The following OSBPL10 variants were observed in gnomAD, a reference collection of about 807,000 sequenced individuals.
The protein encoded by OSBPL10 is oxysterol binding protein like 10.
A neutral mutation model predicts 81.7 loss-of-function variants in OSBPL10; 49 were observed. That is an observed-to-expected ratio of 0.60 (90% CI 0.48 to 0.76). OSBPL10 has a LOEUF of 0.76. Among genes scored for constraint, OSBPL10 ranks in the 30% least tolerant of loss-of-function variants. The pLI is 0.00. For synonymous variants in OSBPL10, 419 were observed against 383.6 expected, an observed-to-expected ratio of 1.09 and a Z score of -1.08; for missense variants, 923 against 987.8, an observed-to-expected ratio of 0.93 and a Z score of 0.88.
At position 31,684,033 on chromosome 3, in the gene OSBPL10, G is replaced by T; in HGVS notation, c.1327C>A (p.Leu443Met). The change falls in exon 8 of 12, where the codon CTG (leucine) becomes ATG (methionine). Residue 443 changes from leucine (L) to methionine (M), a missense_variant. This residue lies in a region of OSBPL10 where 387 missense variants were observed against 436.3 expected (regional missense o/e 0.89). Coordinates refer to ENST00000396556, the MANE Select transcript of OSBPL10 (RefSeq NM_017784.5). ...GGTGTGGCCCCAGCGGTGATGGCCAGCAGTAGGTCTGGGTGCGCCATGAAA... is the reference window on the plus strand; with the variant it reads ...GGTGTGGCCCCAGCGGTGATGGCCATCAGTAGGTCTGGGTGCGCCATGAAA... ...ADFMAHPDLL[L>M]AITAGATPEE... The T allele has an allele frequency of 6.2e-7, 1 of 1,614,236 alleles. No homozygotes were observed. The highest frequency in any genetic ancestry group is 1.3e-5 in the African/African-American group (1 of 75,056).
intron 3 of OSBPL10, 55 bp from the exon 4 acceptor site, chr3:31,830,286 A>C: frequency 6.6e-7 from 1 of 1,507,144 alleles, no homozygotes; most frequent in Non-Finnish European, 9.0e-7. Flanking sequence ...AACACAACTA[A>C]GTGTTGGCTT....
chr3:31,853,284 T>C (rs1221337732), intron 3 of OSBPL10, among the ~76,000 whole-genome samples: 1 of 152,136 alleles, frequency 6.6e-6, no homozygotes, highest in Non-Finnish European at 1.5e-5. Context: ...TAACAAAACA[T>C]GGAGTTCCAC....
rs1174053561 is a variant in OSBPL10 at position 31,781,938 on chromosome 3, CACA to C, written c.730-33821_730-33819del. Among the ~76,000 whole-genome samples, 6 of 152,172 alleles carry C rather than the reference CACA, an allele frequency of 3.9e-5. No homozygotes were observed. In the South Asian group the frequency reaches 6.2e-4, roughly 16 times the overall value. On this transcript the variant is annotated intron_variant, in intron 4 of 11. Transcript: ENST00000396556. ...ATCAAAATACCATCATAATTCTTCACACAACTAGAAAAAAATCCTAAAATTCAT... is the reference window on the plus strand; with the variant it reads ...ATCAAAATACCATCATAATTCTTCACACTAGAAAAAAATCCTAAAATTCAT...
At chr3:31,776,690 TAA>T (rs1390068798) in intron 4 of OSBPL10, among the ~76,000 whole-genome samples, 1 of 152,048 alleles carries the variant, frequency 6.6e-6, no homozygotes, top group African/African-American at 2.4e-5. Flanking sequence ...AAAGGAGACA[TAA>T]AAAGTCATAA....
chr3:32,030,430 CAAGTT>C (rs1318671768), intron 2 of OSBPL10: 10 of 671,140 alleles, frequency 1.5e-5, no homozygotes, highest in South Asian at 2.8e-5. Context: ...GGTAAAGAAA[CAAGTT>C]AAGGGCAAGA....
At chr3:32,019,046 C>T (rs767417809) in intron 2 of OSBPL10, among the ~76,000 whole-genome samples, 12 of 152,168 alleles carry the variant, frequency 7.9e-5, no homozygotes, top group Non-Finnish European at 1.8e-4. Context: ...TCTGAAATTG[C>T]AATCTCCACC....
intron 3 of OSBPL10, among the ~76,000 whole-genome samples, chr3:31,854,427 G>A (rs973161078): frequency 6.6e-6 from 1 of 152,062 alleles, no homozygotes; most frequent in Non-Finnish European, 1.5e-5. Context: ...TCTCAGCTAA[G>A]ACAATAGCAA....
At chr3:31,975,078 G>A (rs1416612647) in intron 1 of OSBPL10, among the ~76,000 whole-genome samples, 1 of 152,198 alleles carries the variant, frequency 6.6e-6, no homozygotes, top group Admixed American at 6.5e-5. Context: ...CACTTTCAAA[G>A]GAGGGGGAGG....
chr3:31,701,520 C>T (rs547181717), intron 7 of OSBPL10, among the ~76,000 whole-genome samples: 2 of 152,220 alleles, frequency 1.3e-5, no homozygotes, highest in East Asian at 1.9e-4. Context: ...ACGCCTCATG[C>T]GATTCTCACA....
intron 1 of OSBPL10, among the ~76,000 whole-genome samples, chr3:31,885,207 CCACA>C (rs1188813494): frequency 1.3e-4 from 20 of 152,196 alleles, no homozygotes; most frequent in Middle Eastern, 3.4e-3. Context: ...ACACTGATGC[CCACA>C]AACATACATG....
intron 4 of OSBPL10, among the ~76,000 whole-genome samples, chr3:31,774,691 T>G (rs1698498751): frequency 6.6e-6 from 1 of 151,520 alleles, no homozygotes; most frequent in African/African-American, 2.4e-5. Context: ...TTTTGTATTT[T>G]TAGTAGAGAC....
chr3:31,793,572 C>T (rs968032210), intron 4 of OSBPL10, among the ~76,000 whole-genome samples: 1 of 152,170 alleles, frequency 6.6e-6, no homozygotes, highest in African/African-American at 2.4e-5. Flanking sequence ...TACACATTCA[C>T]CTTCTTGAAA....
At position 31,816,167 on chromosome 3, in the gene OSBPL10, T is replaced by C. The variant is rs1368875704; in HGVS notation, c.729+13873A>G. On this transcript the variant is annotated intron_variant, in intron 4 of 11. Coordinates refer to ENST00000396556, the MANE Select transcript of OSBPL10 (RefSeq NM_017784.5). The stretch of plus-strand genomic sequence containing the variant: ...CTCTTCCAGGGGTCCCAGTGACTTG[T>C]GGAGCCCAGAGCGGGTAGGTCTACG... Among the ~76,000 whole-genome samples the C allele has an allele frequency of 2.0e-5, 3 of 152,322 alleles. No individual in the cohort carries two copies. The East Asian group carries it at 5.8e-4, about 29-fold the overall frequency.
At chr3:31,997,574 A>C (rs1197039880) in intron 2 of OSBPL10, among the ~76,000 whole-genome samples, 2 of 151,854 alleles carry the variant, frequency 1.3e-5, no homozygotes, top group African/African-American at 4.8e-5. Flanking sequence ...TTCATTGTTA[A>C]AGAGATAAAG....
At chr3:31,684,169 G>A (rs1700732961) in intron 7 of OSBPL10, 55 bp from the exon 8 acceptor site, 1 of 1,582,288 alleles carries the variant, frequency 6.3e-7, no homozygotes, top group African/African-American at 1.4e-5. Flanking sequence ...CGGAAAAGCT[G>A]AAAAGAAAGG....
At chr3:31,955,358 T>C (rs1697979639) in intron 1 of OSBPL10, among the ~76,000 whole-genome samples, 1 of 152,184 alleles carries the variant, frequency 6.6e-6, no homozygotes, top group Non-Finnish European at 1.5e-5. Context: ...CAGGAACTTA[T>C]CCGAGGCTAG....
At chr3:32,054,526 C>CTTTTTTCTT (rs1699692360) in intron 1 of OSBPL10, among the ~76,000 whole-genome samples, 1 of 86,604 alleles carries the variant, frequency 1.2e-5, no homozygotes. Context: ...TCAATGGTGG[C>CTTTTTTCTT]TTTTTTTTTT....
chr3:31,752,730 T>C (rs1400296117), intron 4 of OSBPL10, among the ~76,000 whole-genome samples: 1 of 152,200 alleles, frequency 6.6e-6, no homozygotes, highest in Non-Finnish European at 1.5e-5. Flanking sequence ...AGCAAGAAGA[T>C]AAGGGCCTCA....
At chr3:31,999,309 A>G (rs1699121029) in intron 2 of OSBPL10, among the ~76,000 whole-genome samples, 1 of 152,030 alleles carries the variant, frequency 6.6e-6, no homozygotes, top group Non-Finnish European at 1.5e-5. Flanking sequence ...CTTTTCAATG[A>G]ATGTGATTAT....
Sources: allele counts gnomAD v4.1 joint callset (sites outside exome capture counted in the v4.1 genomes callset), GRCh38; gene constraint gnomAD v4.1.1; regional missense constraint gnomAD v4.1.1; transcripts MANE v1.5; gene names NCBI Gene and HGNC (gene_info 2026-07-23, HGNC 2026-07-21).